TMOD1: variants seen among roughly 807,000 people sequenced by gnomAD.
TMOD1 encodes the protein tropomodulin 1, also known as tropomodulin-1.
In TMOD1, 17 loss-of-function variants were observed where a neutral mutation model predicts 40.6. The ratio of observed to expected loss-of-function variants is 0.42; its 90% CI spans 0.29 to 0.63. The LOEUF is 0.63. TMOD1 is among the 20% of genes least tolerant of loss of function. The pLI, the probability that TMOD1 is intolerant of heterozygous loss-of-function variation, is 0.22. For missense variants in TMOD1, 391 were observed against 447.6 expected (o/e 0.87, Z 1.14); for synonymous variants, 181 against 175.0 (o/e 1.03, Z -0.27).
chr9:97,599,701 T>C lies in TMOD1; in HGVS notation c.*3T>C. ...CCAAGTGCCGGAGTGGTGTCTAGTGTGTGGCGGTGGAGTCCATGCCTTTGA... is the reference window on the plus strand; with the variant it reads ...CCAAGTGCCGGAGTGGTGTCTAGTGCGTGGCGGTGGAGTCCATGCCTTTGA... On this transcript the variant is annotated 3_prime_UTR_variant, in exon 10 of 10. Coordinates refer to ENST00000259365, the MANE Select transcript of TMOD1 (RefSeq NM_003275.4). 6.2e-7 allele frequency: 1 copy of C among 1,614,158 alleles called. No homozygotes were observed. The highest frequency in any genetic ancestry group is 8.5e-7 in the Non-Finnish European group (1 of 1,180,012).
intron 7 of TMOD1, 134 bp from the exon 8 acceptor site, chr9:97,568,760 A>C: frequency 3.9e-6 from 4 of 1,015,228 alleles, no homozygotes; most frequent in Non-Finnish European, 5.9e-6. Context: ...AGACACAGTC[A>C]GAGTTGTGCT....
chr9:97,535,484 G>C (rs1256864694), intron 2 of TMOD1, among the ~76,000 whole-genome samples: 1 of 152,118 alleles, frequency 6.6e-6, no homozygotes, highest in African/African-American at 2.4e-5. Flanking sequence ...ACTCAGTTCA[G>C]GACCACCTCC....
intron 2 of TMOD1, among the ~76,000 whole-genome samples, chr9:97,541,056 T>C (rs1830268721): frequency 6.6e-6 from 1 of 152,246 alleles, no homozygotes; most frequent in Non-Finnish European, 1.5e-5. Flanking sequence ...AAATGGTATC[T>C]CATTCTGGAT....
intron 8 of TMOD1, among the ~76,000 whole-genome samples, chr9:97,589,021 G>A (rs1825940487): frequency 6.6e-6 from 1 of 150,426 alleles, no homozygotes; most frequent in South Asian, 2.1e-4. Flanking sequence ...GGAGGCTGAG[G>A]CAGGAGAATT....
In TMOD1 at chr9:97,599,848, G is replaced by A. The variant is rs1564003593; in HGVS notation, c.*150G>A. The A allele has an allele frequency of 2.8e-5, 40 of 1,432,106 alleles. No individual in the cohort carries two copies. Among genetic ancestry groups the A allele is most frequent in the Non-Finnish European group, 3.6e-5 (39 of 1,084,664 alleles). 88.7% of individuals were successfully genotyped at this position (1,432,106 alleles called of 1,614,324 possible). A position where few individuals can be genotyped will look rare whatever the true frequency, so the allele number is the denominator to read the frequency against. Reference sequence around the variant, plus strand: ...CACTAAGGTTTTAGGTTGACTAGTGGTTGTAGTTGAAAATTTTATAAAATA... The same window carrying A: ...CACTAAGGTTTTAGGTTGACTAGTGATTGTAGTTGAAAATTTTATAAAATA... On this transcript the variant is annotated 3_prime_UTR_variant, in exon 10 of 10. Transcript: ENST00000259365.
intron 1 of TMOD1, chr9:97,516,935 C>G (rs1287825422): frequency 6.6e-6 from 1 of 152,142 alleles, no homozygotes; most frequent in Non-Finnish European, 1.5e-5. Context: ...CAGGAATGTA[C>G]TTAATGCCGC....
intron 3 of TMOD1, among the ~76,000 whole-genome samples, chr9:97,547,575 G>T (rs912293534): frequency 6.6e-6 from 1 of 152,184 alleles, no homozygotes; most frequent in Non-Finnish European, 1.5e-5. Flanking sequence ...TCTGTCAAGC[G>T]CTTAGAACAG....
chr9:97,557,747 T>C lies in TMOD1; in HGVS notation c.397+4347T>C, dbSNP rs1283395056. 2.0e-5 allele frequency among the ~76,000 whole-genome samples: 3 copies of C among 152,194 alleles called. No homozygotes were observed. On this transcript the variant is annotated intron_variant, in intron 4 of 9. Transcript: ENST00000259365. The surrounding 1 kb of genome is among the most constrained non-coding windows in gnomAD (Gnocchi z 4.4). ...CCGGGGATGTGTGCTGTTATCTCTC[T>C]GCGTCCTGAGTGGAATTACCAAATG...
chr9:97,564,317 A>G, intron 6 of TMOD1, 149 bp downstream of exon 6: 1 of 1,064,472 alleles, frequency 9.4e-7, no homozygotes, highest in Non-Finnish European at 1.3e-6. Flanking sequence ...TAGGGACAAA[A>G]CCTTTGCAAA....
Position 97,600,235 on chromosome 9 carries a change from T to C in TMOD1, c.*537T>C, listed in dbSNP as rs1826223325. 1.0e-6 allele frequency: 1 copy of C among 990,974 alleles called. No individual in the cohort carries two copies. Among genetic ancestry groups the C allele is most frequent in the Non-Finnish European group, 1.2e-6 (1 of 832,860 alleles). The allele number at this position is 990,974 out of a possible 1,614,324, so 61.4% of individuals were successfully genotyped here. A position where few individuals can be genotyped will look rare whatever the true frequency, so the allele number is the denominator to read the frequency against. On this transcript the variant is annotated 3_prime_UTR_variant, in exon 10 of 10. Transcript: ENST00000259365. ...CTGGATCCAGAACACAATTTTCCCC[T>C]CAGAACAGATAGACAGACTGAAGCC...
intron 1 of TMOD1, among the ~76,000 whole-genome samples, chr9:97,509,519 G>A (rs5899311): frequency 1.3e-5 from 1 of 75,754 alleles, no homozygotes; most frequent in African/African-American, 4.0e-5. Flanking sequence ...TTTGTTTTTT[G>A]TTTTTTTTTT....
intron 1 of TMOD1, among the ~76,000 whole-genome samples, chr9:97,506,954 A>G (rs371759440): frequency 1.3e-5 from 2 of 152,242 alleles, no homozygotes; most frequent in Non-Finnish European, 2.9e-5. Flanking sequence ...TGATTAGAAA[A>G]TAAACTTAAT....
At chr9:97,564,190 T>C in intron 6 of TMOD1, 22 bp downstream of exon 6, 1 of 1,568,060 alleles carries the variant, frequency 6.4e-7, no homozygotes, top group South Asian at 1.2e-5. Flanking sequence ...TTATTTCACT[T>C]TACCTGTGTG....
At chr9:97,508,057 T>TCACACACA (rs56669574) in intron 1 of TMOD1, among the ~76,000 whole-genome samples, 14 of 132,076 alleles carry the variant, frequency 1.1e-4, no homozygotes, top group South Asian at 5.5e-4. Context: ...TCTTCCTGAT[T>TCACACACA]CACACACACA....
chr9:97,574,328 C>G (rs1051045688), intron 8 of TMOD1, among the ~76,000 whole-genome samples: 15 of 152,056 alleles, frequency 9.9e-5, no homozygotes, highest in Non-Finnish European at 2.1e-4. Context: ...CGGCCGACCC[C>G]GCCGGCTCCG....
intron 2 of TMOD1, among the ~76,000 whole-genome samples, chr9:97,535,021 A>C (rs1374100938): frequency 6.6e-6 from 1 of 152,200 alleles, no homozygotes; most frequent in Non-Finnish European, 1.5e-5. Context: ...TGGCTAGAAC[A>C]TGGGCTACTT....
rs550155627 is a variant in TMOD1, at chr9:97,502,593, C to T, written c.-49+790C>T. On this transcript the variant is annotated intron_variant, in intron 1 of 9. Coordinates refer to ENST00000259365, the MANE Select transcript of TMOD1 (RefSeq NM_003275.4). The surrounding 1 kb of genome is among the most constrained non-coding windows in gnomAD (Gnocchi z 6.1). ...CAGGGCGCGCTCTTGGCCGCCTGCG[C>T]TCCCCACACCTGTTCACCCTCTCCG... 3.3e-5 allele frequency among the ~76,000 whole-genome samples: 5 copies of T among 152,274 alleles called. No homozygotes were observed. The South Asian group carries it at 6.2e-4, about 19-fold the overall frequency.
chr9:97,600,503 A>C lies in TMOD1; in HGVS notation c.*805A>C, dbSNP rs576878327. 1 of 985,638 alleles carries C rather than the reference A, an allele frequency of 1.0e-6. No individual in the cohort carries two copies. Among genetic ancestry groups the C allele is most frequent in the African/African-American group, 1.7e-5 (1 of 57,336 alleles). 61.1% of individuals were successfully genotyped at this position (985,638 alleles called of 1,614,324 possible). A position where few individuals can be genotyped will look rare whatever the true frequency, so the allele number is the denominator to read the frequency against. On this transcript the variant is annotated 3_prime_UTR_variant, in exon 10 of 10. Transcript: ENST00000259365. ...ATGATGGATGTGAAAATCTACGGCC[A>C]AATACTTTTGAAAACACCTTTCTAT... is the stretch of plus-strand genomic sequence containing the variant.
intron 9 of TMOD1, among the ~76,000 whole-genome samples, chr9:97,596,744 A>G (rs1826120814): frequency 6.6e-6 from 1 of 152,134 alleles, no homozygotes. Flanking sequence ...GTGACCAAGG[A>G]AAAGCTTACC....
Sources: allele counts gnomAD v4.1 joint callset (sites outside exome capture counted in the v4.1 genomes callset), GRCh38; gene constraint gnomAD v4.1.1; non-coding constraint Gnocchi (gnomAD v3.1); transcripts MANE v1.5; gene names NCBI Gene and HGNC (gene_info 2026-07-23, HGNC 2026-07-21).